CEP290: variants seen among roughly 807,000 people sequenced by gnomAD.
The protein encoded by CEP290 is centrosomal protein of 290 kDa.
Under a neutral mutation model 344.9 loss-of-function variants are expected in CEP290, and 317 were observed. That is an observed-to-expected ratio of 0.92 (90% confidence interval 0.84 to 1.01). The LOEUF is 1.01. Ranked by LOEUF, CEP290 falls within the 50% of genes least tolerant of loss-of-function variation. CEP290 has a pLI of 0.00. For synonymous variants in CEP290, 932 were observed against 895.8 expected, an observed-to-expected ratio of 1.04 and a Z score of -0.72; for missense variants, 2,754 against 2,761.4, an observed-to-expected ratio of 1.00 and a Z score of 0.06.
chr12:88,116,221 C>T (rs2039026638), intron 18 of CEP290: 1 of 192,050 alleles, frequency 5.2e-6, no homozygotes, highest in African/African-American at 2.4e-5. Context: ...TCATTTATTT[C>T]TTCATGGCTT....
intron 22 of CEP290, among the ~76,000 whole-genome samples, chr12:88,109,439 T>C (rs937002757): frequency 6.6e-6 from 1 of 152,204 alleles, no homozygotes; most frequent in Non-Finnish European, 1.5e-5. Flanking sequence ...AGAATAGTTA[T>C]AAACTCGCCT....
chr12:88,121,201 G>C lies in CEP290; in HGVS notation c.1190-35C>G, dbSNP rs1189778695. 4 of 1,527,608 alleles carry C rather than the reference G, an allele frequency of 2.6e-6. No homozygotes were observed. The East Asian group carries it at 6.8e-5, about 26-fold the overall frequency. 94.6% of individuals were successfully genotyped at this position (1,527,608 alleles called of 1,614,324 possible). On this transcript the variant is annotated intron_variant, in intron 13 of 53. Coordinates refer to ENST00000552810, the MANE Select transcript of CEP290 (RefSeq NM_025114.4). ...AAAAACAAAAATCATGAATTGAATT[G>C]ACTACTTATTCCTTCAAATCAGTGA...
chr12:88,077,334 A>C lies in CEP290; in HGVS notation c.5597T>G (p.Leu1866Arg). 1 of 1,542,428 alleles carries C rather than the reference A, an allele frequency of 6.5e-7. No homozygotes were observed. The change falls in exon 41 of 54, where the codon CTG (leucine) becomes CGG (arginine). Residue 1866 changes from leucine to arginine, a missense_variant. Coordinates refer to ENST00000552810, the MANE Select transcript of CEP290 (RefSeq NM_025114.4). Reference protein sequence around the residue: ...RLTSGLQGKPLTDNKQSLIEE... With the variant: ...RLTSGLQGKPRTDNKQSLIEE... ...AATTAGACTTTGTTTATTATCTGTC[A>C]GGGGTTTGCCCTAAAAAATAAAATG...
At chr12:88,074,083 G>C (rs1353177743) in intron 41 of CEP290, among the ~76,000 whole-genome samples, 1 of 152,062 alleles carries the variant, frequency 6.6e-6, no homozygotes, top group Admixed American at 6.6e-5. Context: ...AAATTAGCCA[G>C]TCGTGGTGCC....
chr12:88,131,441 T>G (rs903447420), intron 6 of CEP290, among the ~76,000 whole-genome samples: 1 of 152,054 alleles, frequency 6.6e-6, no homozygotes, highest in African/African-American at 2.4e-5. Context: ...TTTTGTATTT[T>G]TAGTAGAGAC....
chr12:88,067,745 G>C (rs1296122669), intron 44 of CEP290, among the ~76,000 whole-genome samples: 2 of 152,104 alleles, frequency 1.3e-5, no homozygotes, highest in Non-Finnish European at 2.9e-5. Context: ...ACCATTTGTT[G>C]ACGTAAATTG....
At chr12:88,074,125 T>G (rs1007356758) in intron 41 of CEP290, among the ~76,000 whole-genome samples, 1 of 152,124 alleles carries the variant, frequency 6.6e-6, no homozygotes, top group African/African-American at 2.4e-5. Flanking sequence ...CTTGGGAGGT[T>G]GATGCAGGAG....
intron 4 of CEP290, 26 bp from the exon 5 acceptor site, chr12:88,139,217 CG>C (rs1486950085): frequency 1.1e-6 from 1 of 952,280 alleles, no homozygotes; most frequent in African/African-American, 1.7e-5. Flanking sequence ...AAAAGAAAAA[CG>C]TTTTAATTGA....
Position 88,049,177 on chromosome 12 carries a change from G to C in CEP290, c.*7C>G, listed in dbSNP as rs749236881. On this transcript the variant is annotated 3_prime_UTR_variant, in exon 54 of 54. Transcript: ENST00000552810. ...TAGTTAAATGAAACAAAGTTTATAGGTGACCTTTAGTAAATGGGGAAATTA... is the reference window on the plus strand; with the variant it reads ...TAGTTAAATGAAACAAAGTTTATAGCTGACCTTTAGTAAATGGGGAAATTA... 14 of 1,526,776 alleles carry C rather than the reference G, an allele frequency of 9.2e-6. No homozygotes were observed. In the East Asian group the frequency reaches 1.1e-4, roughly 12 times the overall value. The allele number at this position is 1,526,776 out of a possible 1,614,324, so 94.6% of individuals were successfully genotyped here.
At chr12:88,061,474 G>A (rs1332814730) in intron 46 of CEP290, among the ~76,000 whole-genome samples, 1 of 152,112 alleles carries the variant, frequency 6.6e-6, no homozygotes, top group Non-Finnish European at 1.5e-5. Context: ...AAATAGAAGA[G>A]TTATCTGAAA....
chr12:88,104,342 T>C (rs1375295418), intron 25 of CEP290, among the ~76,000 whole-genome samples: 1 of 152,050 alleles, frequency 6.6e-6, no homozygotes, highest in Admixed American at 6.5e-5. Flanking sequence ...AACATTTACA[T>C]GCTTAAAAAT....
Position 88,049,242 on chromosome 12 carries a change from G to C in CEP290, c.7382C>G (p.Ala2461Gly), listed in dbSNP as rs2033233106. 1 of 1,608,880 alleles carries C rather than the reference G, an allele frequency of 6.2e-7. No individual in the cohort carries two copies. The highest frequency in any genetic ancestry group is 1.1e-5 in the South Asian group (1 of 89,848). The change falls in exon 54 of 54, where the codon GCT (alanine) becomes GGT (glycine). Residue 2461 changes from alanine (A) to glycine (G), a missense_variant. Ala to Gly is a moderately conservative substitution (Grantham distance 60). Transcript: ENST00000552810. ...QLGVELTSPV[A>G]ASEEFEDEEE... ...TTCATCTTCAAACTCTTCAGAAGCA[G>C]CAACAGGGCTAGTTAATTCAACTCC... is the stretch of plus-strand genomic sequence containing the variant.
chr12:88,065,235 A>G (rs2034819506), intron 44 of CEP290, among the ~76,000 whole-genome samples: 1 of 151,772 alleles, frequency 6.6e-6, no homozygotes, highest in Non-Finnish European at 1.5e-5. Context: ...AAAGTCAGTT[A>G]CTCCACCGAC....
chr12:88,117,727 C>A (rs2039139943), intron 17 of CEP290, among the ~76,000 whole-genome samples: 1 of 152,140 alleles, frequency 6.6e-6, no homozygotes, highest in Non-Finnish European at 1.5e-5. Flanking sequence ...TAAAACATTA[C>A]TTTCACTTAG....
chr12:88,060,601 T>C (rs2034401935), intron 47 of CEP290, among the ~76,000 whole-genome samples: 1 of 152,038 alleles, frequency 6.6e-6, no homozygotes, highest in Admixed American at 6.6e-5. Flanking sequence ...TAATCTATGC[T>C]GTCAGAGAGA....
At chr12:88,129,181 T>C (rs2039919327) in intron 10 of CEP290, 146 bp from the exon 11 acceptor site, 2 of 402,534 alleles carry the variant, frequency 5.0e-6, no homozygotes, top group South Asian at 1.9e-4. Flanking sequence ...TACATACGGA[T>C]ACATTACATT....
At chr12:88,109,883 C>T (rs2038554883) in intron 22 of CEP290, among the ~76,000 whole-genome samples, 2 of 151,846 alleles carry the variant, frequency 1.3e-5, no homozygotes, top group South Asian at 4.2e-4. Context: ...GCCATACTAC[C>T]AATATTTGCT....
intron 41 of CEP290, among the ~76,000 whole-genome samples, chr12:88,075,205 G>T (rs2035670808): frequency 6.6e-6 from 1 of 152,068 alleles, no homozygotes; most frequent in African/African-American, 2.4e-5. Flanking sequence ...ACATATTCTG[G>T]GGGTCACAGA....
intron 26 of CEP290, among the ~76,000 whole-genome samples, chr12:88,097,220 C>G (rs1444865708): frequency 6.6e-6 from 1 of 152,020 alleles, no homozygotes; most frequent in Non-Finnish European, 1.5e-5. Context: ...TTGGCTGTGT[C>G]CCTACCCAAA....
Sources: allele counts gnomAD v4.1 joint callset (sites outside exome capture counted in the v4.1 genomes callset), GRCh38; gene constraint gnomAD v4.1.1; transcripts MANE v1.5; gene names NCBI Gene and HGNC (gene_info 2026-07-23, HGNC 2026-07-21).